TENM2: variants seen among roughly 807,000 people sequenced by gnomAD.
TENM2 encodes teneurin-2.
Under a neutral mutation model 245.2 loss-of-function variants are expected in TENM2, and 52 were observed. The observed-to-expected ratio is 0.21, with a 90% confidence interval of 0.17 to 0.27. TENM2 has a LOEUF of 0.27. TENM2 is among the 10% of genes least tolerant of loss of function. The pLI is 1.00. For missense variants in TENM2, 3,046 were observed against 3,666.8 expected (o/e 0.83, Z 4.37); for synonymous variants, 1,363 against 1,438.9 (o/e 0.95, Z 1.19).
chr5:167,915,927 A>T (rs1776902721), intron 3 of TENM2, among the ~76,000 whole-genome samples: 1 of 152,214 alleles, frequency 6.6e-6, no homozygotes, highest in Non-Finnish European at 1.5e-5. Flanking sequence ...ATATTTGATT[A>T]TCCACACTGC....
At chr5:168,027,530 C>T (rs901679860) in intron 5 of TENM2, among the ~76,000 whole-genome samples, 1 of 152,166 alleles carries the variant, frequency 6.6e-6, no homozygotes, top group Non-Finnish European at 1.5e-5. Flanking sequence ...CAAATTTGAG[C>T]TCCGTGTTTT....
At chr5:167,782,312 T>A (rs1335262594) in intron 2 of TENM2, among the ~76,000 whole-genome samples, 30 of 21,792 alleles carry the variant, frequency 1.4e-3, no homozygotes, top group African/African-American at 2.4e-3. Flanking sequence ...AAACTCTGTC[T>A]CAAAAAAAAA....
the TENM2 span, among the ~76,000 whole-genome samples, chr5:167,183,175 A>G: frequency 6.6e-6 from 1 of 152,128 alleles, no homozygotes. Flanking sequence ...ATGATTAGAA[A>G]TGCTGGTATG....
chr5:167,430,294 GATCA>G (rs1561948602), intron 2 of TENM2, among the ~76,000 whole-genome samples: 1 of 152,072 alleles, frequency 6.6e-6, no homozygotes, highest in African/African-American at 2.4e-5. Flanking sequence ...TGGCCATCAC[GATCA>G]ATCAAACTCG....
chr5:167,568,646 G>GGTGTGTGTGTGTGTGT (rs3138740), intron 2 of TENM2, among the ~76,000 whole-genome samples: 1 of 142,520 alleles, frequency 7.0e-6, no homozygotes, highest in African/African-American at 2.6e-5. Context: ...CAGAGACCAT[G>GGTGTGTGTGTGTGTGT]GTGTGTGTGT....
At chr5:168,060,186 G>C (rs1789911038) in intron 6 of TENM2, among the ~76,000 whole-genome samples, 1 of 150,382 alleles carries the variant, frequency 6.6e-6, no homozygotes, top group Admixed American at 6.6e-5. Context: ...ACAAGAGTTT[G>C]AGACCAGTGC....
chr5:167,334,721 T>C (rs1467601455), intron 1 of TENM2, among the ~76,000 whole-genome samples: 1 of 152,226 alleles, frequency 6.6e-6, no homozygotes, highest in African/African-American at 2.4e-5. Context: ...CAACATATTA[T>C]CTGGTTTGCA....
intron 2 of TENM2, among the ~76,000 whole-genome samples, chr5:167,638,513 TTC>T (rs1368989591): frequency 3.9e-5 from 6 of 152,210 alleles, no homozygotes; most frequent in African/African-American, 1.4e-4. Flanking sequence ...TGTACATTTC[TTC>T]TAATTTATAA....
At chr5:167,098,714 G>A in the TENM2 span, among the ~76,000 whole-genome samples, 10 of 152,234 alleles carry the variant, frequency 6.6e-5, no homozygotes, top group South Asian at 2.1e-3. Context: ...TAAAAACAGC[G>A]GTTTCTAAGA....
At chr5:167,561,899 G>A (rs1463973372) in intron 2 of TENM2, among the ~76,000 whole-genome samples, 5 of 152,132 alleles carry the variant, frequency 3.3e-5, no homozygotes. Context: ...AAAATAAAAA[G>A]AGAGACAGAG....
intron 6 of TENM2, among the ~76,000 whole-genome samples, chr5:168,060,727 A>G (rs1349186449): frequency 6.6e-6 from 1 of 152,218 alleles, no homozygotes; most frequent in Non-Finnish European, 1.5e-5. Context: ...AAAACTTTAT[A>G]TCTTCAAATC....
At chr5:167,815,174 C>G (rs1766948132) in intron 2 of TENM2, among the ~76,000 whole-genome samples, 1 of 152,108 alleles carries the variant, frequency 6.6e-6, no homozygotes, top group Non-Finnish European at 1.5e-5. Flanking sequence ...CGTATTAACC[C>G]TTTTCATGTG....
intron 2 of TENM2, among the ~76,000 whole-genome samples, chr5:167,556,700 A>G (rs1773282488): frequency 6.6e-6 from 1 of 152,108 alleles, no homozygotes; most frequent in Admixed American, 6.5e-5. Context: ...ACCCTTGATA[A>G]GTAGAATTCA....
intron 2 of TENM2, among the ~76,000 whole-genome samples, chr5:167,553,253 G>A (rs1021498531): frequency 5.3e-5 from 8 of 152,206 alleles, no homozygotes; most frequent in Non-Finnish European, 1.0e-4. Context: ...AATGGTGACA[G>A]GGAGCCTACA....
At chr5:167,315,966 T>C (rs992349215) in intron 1 of TENM2, among the ~76,000 whole-genome samples, 3 of 152,218 alleles carry the variant, frequency 2.0e-5, no homozygotes. Flanking sequence ...TGTTTCTGCC[T>C]GGAACAAGTC....
the TENM2 span, among the ~76,000 whole-genome samples, chr5:167,153,666 AATAT>A: frequency 6.7e-6 from 1 of 148,716 alleles, no homozygotes; most frequent in Non-Finnish European, 1.5e-5. Flanking sequence ...TATGGCTTTA[AATAT>A]ATATATATAT....
chr5:166,983,545 A>G, the TENM2 span, among the ~76,000 whole-genome samples: 1 of 152,286 alleles, frequency 6.6e-6, no homozygotes, highest in African/African-American at 2.4e-5. Flanking sequence ...ACTGAAACCA[A>G]GTAACACAGC....
chr5:168,180,093 T>G (rs1759734120), intron 13 of TENM2, among the ~76,000 whole-genome samples: 1 of 152,162 alleles, frequency 6.6e-6, no homozygotes, highest in Non-Finnish European at 1.5e-5. Context: ...GCCCTGCACT[T>G]TATAGGAAGT....
chr5:167,932,051 G>T (rs182069995), intron 3 of TENM2, among the ~76,000 whole-genome samples: 2 of 152,334 alleles, frequency 1.3e-5, no homozygotes, highest in African/African-American at 4.8e-5. Context: ...ATTTCACCGA[G>T]GTCCGTATTG....
Sources: allele counts gnomAD v4.1 joint callset (sites outside exome capture counted in the v4.1 genomes callset), GRCh38; gene constraint gnomAD v4.1.1; transcripts MANE v1.5; gene names NCBI Gene and HGNC (gene_info 2026-07-23, HGNC 2026-07-21).